RPL37: variants seen among roughly 807,000 people sequenced by gnomAD.
RPL37 encodes ribosomal protein L37, also known as large ribosomal subunit protein eL37.
Under a neutral mutation model 14.8 loss-of-function variants are expected in RPL37, and 1 was observed. The observed-to-expected ratio is 0.07, with a 90% CI of 0.02 to 0.32. The LOEUF is 0.32. RPL37 is among the 10% of genes least tolerant of loss of function. The pLI is 1.00. For missense variants in RPL37, 100 were observed against 128.3 expected, an observed-to-expected ratio of 0.78 and a Z score of 1.06; for synonymous variants, 53 against 45.8, an observed-to-expected ratio of 1.16 and a Z score of -0.63.
chr5:40,832,324 A>G lies in RPL37; in HGVS notation c.*180T>C. The stretch of plus-strand genomic sequence containing the variant: ...TTTAACCGTGTTACAAACCCAGTCC[A>G]AAAGTAAACATTCCAAAACAGTCAC... On this transcript the variant is annotated 3_prime_UTR_variant, in exon 4 of 4. Coordinates refer to ENST00000274242, the MANE Select transcript of RPL37 (RefSeq NM_000997.5). 1.5e-6 allele frequency: 1 copy of G among 658,222 alleles called. No individual in the cohort carries two copies. The highest frequency in any genetic ancestry group is 2.8e-6 in the Non-Finnish European group (1 of 358,242). 40.8% of individuals were successfully genotyped at this position (658,222 alleles called of 1,614,324 possible). A position where few individuals can be genotyped will look rare whatever the true frequency, so the allele number is the denominator to read the frequency against.
rs185969507 is a variant in RPL37, at chr5:40,833,485, G to C, written c.224+696C>G. Among the ~76,000 whole-genome samples, 366 of 152,244 alleles carry C rather than the reference G, an allele frequency of 2.4e-3. 1 individual carries two copies. The highest frequency in any genetic ancestry group is 3.7e-3 in the South Asian group (18 of 4,820). On this transcript the variant is annotated intron_variant, in intron 3 of 3. Transcript: ENST00000274242. The stretch of plus-strand genomic sequence containing the variant: ...TGCAGGTTCTCTCAGCTAAGTCTAC[G>C]GCGGAGCTGAGATTCTGCATTTATA...
rs767550405 is a variant in RPL37 at position 40,832,706 on chromosome 5, C to T, written c.225-133G>A. ...TCAATACTGCATTCATATGTTCAGA[C>T]ATTTATTTTTACAACATCACTGATA... On this transcript the variant is annotated intron_variant, in intron 3 of 3. Transcript: ENST00000274242. The T allele has an allele frequency of 1.1e-5, 9 of 785,970 alleles. No individual in the cohort carries two copies. In the East Asian group the frequency reaches 1.5e-4, roughly 13 times the overall value. 48.7% of individuals were successfully genotyped at this position (785,970 alleles called of 1,614,324 possible).
rs1288401222 is a variant in RPL37, at chr5:40,828,009, A to T, written c.*4495T>A. ...TAATCCAAATGTGCTAATAAATGTG[A>T]AACAGCCTCTTTCTCTGAAACAAGT... On this transcript the variant is annotated 3_prime_UTR_variant, in exon 4 of 4. Transcript: ENST00000274242. 6.6e-6 allele frequency: 1 copy of T among 152,256 alleles called. No individual in the cohort carries two copies. The highest frequency in any genetic ancestry group is 1.5e-5 in the Non-Finnish European group (1 of 68,044). The allele number at this position is 152,256 out of a possible 1,614,324, so 9.4% of individuals were successfully genotyped here.
intron 1 of RPL37, chr5:40,834,967 A>G: frequency 1.5e-6 from 1 of 666,868 alleles, no homozygotes; most frequent in Admixed American, 2.6e-5. Flanking sequence ...GAGGCAAAGG[A>G]CACAATGCGG....
rs1745616375 is a variant in RPL37 at position 40,830,355 on chromosome 5, C to T, written c.*2149G>A. Reference sequence around the variant, plus strand: ...GGTGTGGTGGCTCGTCCCTGTAATCCCAGCACTTTGGGAGGCCAAGATGAG... The same window carrying T: ...GGTGTGGTGGCTCGTCCCTGTAATCTCAGCACTTTGGGAGGCCAAGATGAG... On this transcript the variant is annotated 3_prime_UTR_variant, in exon 4 of 4. Coordinates refer to ENST00000274242, the MANE Select transcript of RPL37 (RefSeq NM_000997.5). 6.6e-6 allele frequency: 1 copy of T among 151,982 alleles called. No individual in the cohort carries two copies. The highest frequency in any genetic ancestry group is 2.4e-5 in the African/African-American group (1 of 41,362). The allele number at this position is 151,982 out of a possible 1,614,324, so 9.4% of individuals were successfully genotyped here.
chr5:40,835,104 G>GC (rs1314916851), intron 1 of RPL37, 79 bp downstream of exon 1: 3 of 1,595,126 alleles, frequency 1.9e-6, no homozygotes, highest in Non-Finnish European at 8.6e-7. Context: ...AATCTTGCCA[G>GC]CCCCCCAAGC....
At chr5:40,833,384 ATAGTT>A (rs1745684514) in intron 3 of RPL37, among the ~76,000 whole-genome samples, 1 of 152,254 alleles carries the variant, frequency 6.6e-6, no homozygotes, top group South Asian at 2.1e-4. Context: ...CACCAGCTTT[ATAGTT>A]AAGTCTGCAT....
At position 40,828,188 on chromosome 5, in the gene RPL37, A is replaced by G. The variant is rs1176474208; in HGVS notation, c.*4316T>C. On this transcript the variant is annotated 3_prime_UTR_variant, in exon 4 of 4. Transcript: ENST00000274242. ...AATGATAAGTCATTCAGGTAAAGAC[A>G]AAAGAATGGCTCCTTATCATTCAAC... is the stretch of plus-strand genomic sequence containing the variant. 2 of 152,348 alleles carry G rather than the reference A, an allele frequency of 1.3e-5. No individual in the cohort carries two copies. Among genetic ancestry groups the G allele is most frequent in the East Asian group, 1.9e-4 (1 of 5,190 alleles). 9.4% of individuals were successfully genotyped at this position (152,348 alleles called of 1,614,324 possible).
At position 40,831,974 on chromosome 5, in the gene RPL37, C is replaced by T; in HGVS notation, c.*530G>A. 1 of 157,350 alleles carries T rather than the reference C, an allele frequency of 6.4e-6. No individual in the cohort carries two copies. Among genetic ancestry groups the T allele is most frequent in the Non-Finnish European group, 1.4e-5 (1 of 70,528 alleles). The allele number at this position is 157,350 out of a possible 1,614,324, so 9.7% of individuals were successfully genotyped here. ...ACTTAGCTAGCCACCTTACACACAG[C>T]CCACAAGTCAGGTGTGCCAAGTGAG... is the stretch of plus-strand genomic sequence containing the variant. On this transcript the variant is annotated 3_prime_UTR_variant, in exon 4 of 4. Transcript: ENST00000274242.
chr5:40,834,705 G>A (rs781083407), intron 1 of RPL37, 99 bp from the exon 2 acceptor site: 5 of 1,373,320 alleles, frequency 3.6e-6, no homozygotes, highest in Non-Finnish European at 4.9e-6. Flanking sequence ...AAAGGCAATC[G>A]TAAAGATCGA....
chr5:40,834,932 G>A (rs1047656952), intron 1 of RPL37: 2 of 622,516 alleles, frequency 3.2e-6, no homozygotes, highest in East Asian at 2.7e-5. Context: ...GGCTAGAGCC[G>A]TGAAAGGTCT....
intron 3 of RPL37, chr5:40,833,853 G>A: frequency 4.3e-6 from 1 of 233,682 alleles, no homozygotes; most frequent in South Asian, 6.3e-5. Context: ...AGATTATCCT[G>A]GGTAACATGA....
chr5:40,832,840 ATGTT>A (rs768740008), intron 3 of RPL37: 5 of 470,728 alleles, frequency 1.1e-5, no homozygotes, highest in Non-Finnish European at 2.0e-5. Flanking sequence ...TTGGGCCAGT[ATGTT>A]TGTTCATATT....
chr5:40,831,557 A>C lies in RPL37; in HGVS notation c.*947T>G, dbSNP rs548379444. 11 of 152,456 alleles carry C rather than the reference A, an allele frequency of 7.2e-5. No homozygotes were observed. The highest frequency in any genetic ancestry group is 2.6e-4 in the African/African-American group (11 of 41,578). The allele number at this position is 152,456 out of a possible 1,614,324, so 9.4% of individuals were successfully genotyped here. Reference sequence around the variant, plus strand: ...AGTGGAGAATTATAATTTAAATAGCATGACTTGGCTACATCACTATTTTAT... The same window carrying C: ...AGTGGAGAATTATAATTTAAATAGCCTGACTTGGCTACATCACTATTTTAT... On this transcript the variant is annotated 3_prime_UTR_variant, in exon 4 of 4. Transcript: ENST00000274242.
intron 3 of RPL37, chr5:40,832,813 T>C (rs1579793052): frequency 3.5e-6 from 2 of 570,872 alleles, no homozygotes; most frequent in East Asian, 3.3e-5. Flanking sequence ...CAAAAACTTA[T>C]TTGGCTATAC....
intron 3 of RPL37, among the ~76,000 whole-genome samples, chr5:40,832,887 G>A (rs1745673560): frequency 6.6e-6 from 1 of 152,180 alleles, no homozygotes; most frequent in East Asian, 1.9e-4. Context: ...TGTGAAAATG[G>A]TTCCCTATAC....
At chr5:40,833,618 G>A (rs908975488) in intron 3 of RPL37, among the ~76,000 whole-genome samples, 1 of 152,172 alleles carries the variant, frequency 6.6e-6, no homozygotes, top group Non-Finnish European at 1.5e-5. Context: ...GTTGAACCAA[G>A]CCTGACTCCA....
rs1007929758 is a variant in RPL37, at chr5:40,826,323, G to T, written c.*6181C>A. 30 of 152,054 alleles carry T rather than the reference G, an allele frequency of 2.0e-4. No homozygotes were observed. The highest frequency in any genetic ancestry group is 7.2e-4 in the African/African-American group (30 of 41,452). The allele number at this position is 152,054 out of a possible 1,614,324, so 9.4% of individuals were successfully genotyped here. A position where few individuals can be genotyped will look rare whatever the true frequency, so the allele number is the denominator to read the frequency against. On this transcript the variant is annotated 3_prime_UTR_variant, in exon 4 of 4. Transcript: ENST00000274242. ...CCAAAGAAAACATATCCAAGAACGT[G>T]GTCAGTTTTCAGTTTTTATCATTAT... is the stretch of plus-strand genomic sequence containing the variant.
At position 40,826,512 on chromosome 5, in the gene RPL37, G is replaced by A. The variant is rs1222722366; in HGVS notation, c.*5992C>T. 7.0e-6 allele frequency: 1 copy of A among 143,834 alleles called. No homozygotes were observed. The highest frequency in any genetic ancestry group is 1.6e-5 in the Non-Finnish European group (1 of 64,464). The allele number at this position is 143,834 out of a possible 1,614,324, so 8.9% of individuals were successfully genotyped here. ...CAATTCAGCCTTCTTGGACAAAGGAGTTACTACCTTCTACTTTGAAACCCA... is the reference window on the plus strand; with the variant it reads ...CAATTCAGCCTTCTTGGACAAAGGAATTACTACCTTCTACTTTGAAACCCA... On this transcript the variant is annotated 3_prime_UTR_variant, in exon 4 of 4. Transcript: ENST00000274242.
Sources: gnomAD v4.1 joint callset for allele counts (sites outside exome capture counted in the v4.1 genomes callset) on GRCh38, gnomAD v4.1.1 for gene constraint, MANE v1.5 for transcripts, NCBI Gene and HGNC (gene_info 2026-07-23, HGNC 2026-07-21) for gene names.